The following DDX54 variants were observed in gnomAD, a reference collection of about 807,000 sequenced individuals.
DDX54 encodes the protein DEAD-box helicase 54.
A neutral mutation model predicts 105.5 loss-of-function variants in DDX54; 67 were observed. That is an observed-to-expected ratio of 0.64 (90% CI 0.52 to 0.78). The LOEUF (loss-of-function observed/expected upper bound fraction) is 0.78. DDX54 is among the 30% of genes least tolerant of loss of function. The probability of loss-of-function intolerance (pLI) is 0.00; values close to 1 mark genes in which losing one functional copy is unlikely to be tolerated. For missense variants in DDX54, 1,206 were observed against 1,230.5 expected (o/e 0.98, Z 0.30); for synonymous variants, 514 against 509.9 (o/e 1.01, Z -0.11).
chr12:113,163,071 A>C lies in DDX54; in HGVS notation c.2082-26T>G, dbSNP rs1952229792. 1 of 1,609,216 alleles carries C rather than the reference A, an allele frequency of 6.2e-7. No individual in the cohort carries two copies. Among genetic ancestry groups the C allele is most frequent in the Admixed American group, 1.7e-5 (1 of 59,702 alleles). Reference sequence around the variant, plus strand: ...CTGCAGAGGGAGAGTGGGAGACATAATTGGATTGATGGGACCCAGCGGACC... The same window carrying C: ...CTGCAGAGGGAGAGTGGGAGACATACTTGGATTGATGGGACCCAGCGGACC... On this transcript the variant is annotated intron_variant, in intron 16 of 19. Transcript: ENST00000306014. The surrounding 1 kb of genome is among the most constrained non-coding windows in gnomAD (Gnocchi z 5.9).
At chr12:113,180,686 C>T (rs958596409) in intron 2 of DDX54, among the ~76,000 whole-genome samples, 5 of 152,192 alleles carry the variant, frequency 3.3e-5, no homozygotes, top group African/African-American at 4.8e-5. Flanking sequence ...AATAAGTCCC[C>T]GACTGTCTTT....
intron 9 of DDX54, 50 bp from the exon 10 acceptor site, chr12:113,174,821 C>T: frequency 1.2e-6 from 2 of 1,614,196 alleles, no homozygotes; most frequent in Non-Finnish European, 1.7e-6. Context: ...TGGCCCAGGG[C>T]CTGCAGGGCC....
Position 113,169,808 on chromosome 12 carries a change from C to A in DDX54, c.1376G>T (p.Arg459Leu). 6.2e-7 allele frequency: 1 copy of A among 1,613,950 alleles called. No homozygotes were observed. Among genetic ancestry groups the A allele is most frequent in the Non-Finnish European group, 8.5e-7 (1 of 1,179,900 alleles). Reference sequence around the variant, plus strand: ...GAGGGGTCGGGCGAGGGTGAGGGAGCGGCCCAGGAACAGGTGCAGATCCAG... The same window carrying A: ...GAGGGGTCGGGCGAGGGTGAGGGAGAGGCCCAGGAACAGGTGCAGATCCAG... ...YLLDLHLFLG[R>L]SLTLARPLKE... Residue 459 changes from arginine (R) to leucine (L), a missense_variant, in exon 12 of 20, where the codon CGC (arginine) becomes CTC (leucine). Arg to Leu is a moderately radical substitution (Grantham distance 102). Around this residue, in one of 3 missense-constraint regions of DDX54, gnomAD observed 961 missense variants for 1,019.1 expected, o/e 0.94. Transcript: ENST00000306014.
intron 4 of DDX54, 50 bp downstream of exon 4, chr12:113,179,093 C>G (rs567218767): frequency 6.2e-6 from 10 of 1,612,800 alleles, no homozygotes; most frequent in Non-Finnish European, 8.5e-6. Flanking sequence ...CCTCTGTGTC[C>G]GGTCCCAAGT....
In DDX54 at chr12:113,179,282, G is replaced by A; in HGVS notation, c.425C>T (p.Thr142Met). The part of the protein sequence containing the change: ...DGKDVVAMAR[T>M]GSGKTACFLL... ...GAAGCAGGCTGTCTTGCCACTGCCCGTCCGGGCCATGGCCACCACGTCCTT... is the reference window on the plus strand; with the variant it reads ...GAAGCAGGCTGTCTTGCCACTGCCCATCCGGGCCATGGCCACCACGTCCTT... Residue 142 changes from threonine (T) to methionine (M), a missense_variant, in exon 4 of 20, where the codon ACG (threonine) becomes ATG (methionine). Physicochemically the swap from Thr to Met is moderately conservative, Grantham distance 81. Transcript: ENST00000306014. 1.4e-5 allele frequency: 22 copies of A among 1,613,982 alleles called. No individual in the cohort carries two copies. Among genetic ancestry groups the A allele is most frequent in the Non-Finnish European group, 1.7e-5 (20 of 1,180,032 alleles).
At position 113,165,809 on chromosome 12, in the gene DDX54, G is replaced by C. The variant is rs138916850; in HGVS notation, c.1638C>G (p.Pro546=). The C allele has an allele frequency of 9.4e-5, 151 of 1,603,618 alleles. No homozygotes were observed. In the African/African-American group the frequency reaches 1.8e-3, roughly 19 times the overall value. ...EMDLVGLGLH[P]LFSSRFEEEE... The stretch of plus-strand genomic sequence containing the variant: ...CCTTGTAGAAGGACTCACTGAAGAG[G>C]GGGTGCAGGCCCAGCCCCACAAGGT... Residue 546 remains proline (P), a synonymous_variant, in exon 13 of 20, where the codon CCC becomes CCG. Transcript: ENST00000306014.
rs1237351942 is a variant in DDX54 at position 113,169,846 on chromosome 12, T to C, written c.1338A>G (p.Glu446=). Reference sequence around the variant, plus strand: ...GGTGCAGATCCAGCAGGTAGGGGATTTCATCAGGGGCCACCAAGGAGTAGG... The same window carrying C: ...GGTGCAGATCCAGCAGGTAGGGGATCTCATCAGGGGCCACCAAGGAGTAGG... ...GTAYSLVAPD[E]IPYLLDLHLF... is the part of the protein sequence containing the mutation. Residue 446 remains glutamate, a synonymous_variant, in exon 12 of 20, where the codon GAA becomes GAG. Transcript: ENST00000306014. 1.2e-6 allele frequency: 2 copies of C among 1,613,880 alleles called. No homozygotes were observed. Among genetic ancestry groups the C allele is most frequent in the Non-Finnish European group, 1.7e-6 (2 of 1,179,978 alleles).
At chr12:113,177,148 C>T in intron 5 of DDX54, 55 bp from the exon 6 acceptor site, 2 of 1,594,008 alleles carry the variant, frequency 1.3e-6, no homozygotes, top group Non-Finnish European at 1.7e-6. Context: ...GGTTTCCCTT[C>T]CCATAACCAA....
In DDX54 at chr12:113,175,296, C is replaced by T. The variant is rs1055774770; in HGVS notation, c.753-139G>A. 5 of 1,194,734 alleles carry T rather than the reference C, an allele frequency of 4.2e-6. No individual in the cohort carries two copies. The African/African-American group carries it at 4.6e-5, about 11-fold the overall frequency. The allele number at this position is 1,194,734 out of a possible 1,614,324, so 74.0% of individuals were successfully genotyped here. A position where few individuals can be genotyped will look rare whatever the true frequency, so the allele number is the denominator to read the frequency against. ...TAACTCAGCCCACTCACACTTATCA[C>T]GTGACTTCATCCTAAACAACAATAA... On this transcript the variant is annotated intron_variant, in intron 7 of 19. Coordinates refer to ENST00000306014, the MANE Select transcript of DDX54 (RefSeq NM_024072.4).
chr12:113,178,932 G>A, intron 5 of DDX54, 45 bp downstream of exon 5: 1 of 1,607,420 alleles, frequency 6.2e-7, no homozygotes, highest in Non-Finnish European at 8.5e-7. Flanking sequence ...ACACAGAGAT[G>A]TGCCTGCATG....
chr12:113,184,773 G>C (rs1473258509), intron 1 of DDX54, among the ~76,000 whole-genome samples: 1 of 152,182 alleles, frequency 6.6e-6, no homozygotes, highest in Non-Finnish European at 1.5e-5. Context: ...CTGTAGCAAG[G>C]CGTGGCTACA....
intron 1 of DDX54, 52 bp downstream of exon 1, chr12:113,185,226 G>C (rs953702871): frequency 1.4e-6 from 2 of 1,440,168 alleles, no homozygotes. Flanking sequence ...TCGAGGCGCT[G>C]CCCGGAGCCG....
At position 113,163,834 on chromosome 12, in the gene DDX54, G is replaced by C. The variant is rs966588624; in HGVS notation, c.1938+233C>G. ...GTGTTTGGTGGCTGGTGATGCCCCG[G>C]ACCCCACTGAGGGTGTCATGTCGTG... On this transcript the variant is annotated intron_variant, in intron 15 of 19. Transcript: ENST00000306014. The surrounding 1 kb of genome is among the most constrained non-coding windows in gnomAD (Gnocchi z 5.9). Among the ~76,000 whole-genome samples the C allele has an allele frequency of 2.0e-5, 3 of 152,184 alleles. No individual in the cohort carries two copies. Among genetic ancestry groups the C allele is most frequent in the African/African-American group, 7.2e-5 (3 of 41,436 alleles).
chr12:113,177,851 C>A (rs1442649411), intron 5 of DDX54, among the ~76,000 whole-genome samples: 1 of 152,178 alleles, frequency 6.6e-6, no homozygotes, highest in Non-Finnish European at 1.5e-5. Flanking sequence ...CACCTACTAC[C>A]TAGGAAGGGT....
In DDX54 at chr12:113,170,854, C is replaced by T. The variant is rs56784215; in HGVS notation, c.1280-950G>A. ...TCACAGAATGACATTTCATAGTAAA[C>T]GAAAAACATTCGTGATGTATGGTGA... On this transcript the variant is annotated intron_variant, in intron 11 of 19. Transcript: ENST00000306014. Among the ~76,000 whole-genome samples, 410 of 151,970 alleles carry T rather than the reference C, an allele frequency of 2.7e-3. 5 individuals carry two copies. Among genetic ancestry groups the T allele is most frequent in the African/African-American group, 8.4e-3 (349 of 41,412 alleles).
chr12:113,162,075 T>C, intron 17 of DDX54, 78 bp from the exon 18 acceptor site: 3 of 1,323,970 alleles, frequency 2.3e-6, no homozygotes, highest in Admixed American at 1.7e-5. Context: ...GCCTGTCTCC[T>C]CACCCGACCC....
At position 113,185,394 on chromosome 12, in the gene DDX54, A is replaced by G; in HGVS notation, c.58T>C (p.Trp20Arg). 6.4e-7 allele frequency: 1 copy of G among 1,557,892 alleles called. No homozygotes were observed. The highest frequency in any genetic ancestry group is 8.7e-7 in the Non-Finnish European group (1 of 1,154,730). ...TTCCGGAGCCCTTTCTTCTTCCTCC[A>G]CTGGGCCATGGCAGCTCGCGACCGA... is the stretch of plus-strand genomic sequence containing the variant. ...GPRSRAAMAQ[W>R]RKKKGLRKRR... The change falls in exon 1 of 20, where the codon TGG (tryptophan) becomes CGG (arginine). Residue 20 changes from tryptophan to arginine, a missense_variant. Transcript: ENST00000306014.
In DDX54 at chr12:113,161,925, GC is replaced by G. The variant is rs1475177582; in HGVS notation, c.2267del (p.Gly756AlafsTer75). The G allele has an allele frequency of 1.2e-6, 2 of 1,612,748 alleles. No homozygotes were observed. The highest frequency in any genetic ancestry group is 1.7e-6 in the Non-Finnish European group (2 of 1,179,908). ...GCTTGTAGGAGCTGCTGATGTAGCG[GC>G]CGCTCTCTGTCTTAATCTTCTTCTT... The part of the protein sequence containing the change: ...EDKKKIKTES[G>X]RYISSSYKRD... On this transcript the variant is annotated frameshift_variant, in exon 18 of 20. Coordinates refer to ENST00000306014, the MANE Select transcript of DDX54 (RefSeq NM_024072.4). LOFTEE classifies it high-confidence loss of function.
rs1430208133 is a variant in DDX54, at chr12:113,185,398, G to A, written c.54C>T (p.Ala18=). ...GGAGCCCTTTCTTCTTCCTCCACTG[G>A]GCCATGGCAGCTCGCGACCGAGGTC... The part of the protein sequence containing the change: ...AAGPRSRAAM[A]QWRKKKGLRK... The change falls in exon 1 of 20, where the codon GCC becomes GCT. Residue 18 remains alanine, a synonymous_variant. Transcript: ENST00000306014. 6.5e-7 allele frequency: 1 copy of A among 1,548,602 alleles called. No individual in the cohort carries two copies. The highest frequency in any genetic ancestry group is 1.9e-5 in the Admixed American group (1 of 52,234).
Sources: allele counts gnomAD v4.1 joint callset (sites outside exome capture counted in the v4.1 genomes callset), GRCh38; gene constraint gnomAD v4.1.1; regional missense constraint gnomAD v4.1.1; non-coding constraint Gnocchi (gnomAD v3.1); transcripts MANE v1.5; gene names NCBI Gene and HGNC (gene_info 2026-07-23, HGNC 2026-07-21).